The following ATP2C2 variants were observed in gnomAD, a reference collection of about 807,000 sequenced individuals.
ATP2C2 encodes the protein calcium-transporting ATPase type 2C member 2.
Under a neutral mutation model 110.8 loss-of-function variants are expected in ATP2C2, and 171 were observed. The ratio of observed to expected loss-of-function variants is 1.54; its 90% CI spans 1.36 to 1.75. The LOEUF (loss-of-function observed/expected upper bound fraction) is 1.75. Ranked by LOEUF, ATP2C2 falls within the 40% of genes most tolerant of loss-of-function variation. The pLI, the probability that ATP2C2 is intolerant of heterozygous loss-of-function variation, is 0.00. For synonymous variants in ATP2C2, 804 were observed against 508.4 expected, an observed-to-expected ratio of 1.58 and a Z score of -7.82; for missense variants, 1,963 against 1,235.0, an observed-to-expected ratio of 1.59 and a Z score of -8.84.
chr16:84,412,368 G>GCA (rs1182385222), intron 6 of ATP2C2, among the ~76,000 whole-genome samples: 2 of 109,990 alleles, frequency 1.8e-5, no homozygotes, highest in African/African-American at 3.2e-5. Flanking sequence ...GTGTGCATGT[G>GCA]TGTGTGCGTG....
intron 15 of ATP2C2, among the ~76,000 whole-genome samples, chr16:84,445,670 G>A (rs541941427): frequency 2.6e-4 from 39 of 152,320 alleles, no homozygotes; most frequent in African/African-American, 8.9e-4. Flanking sequence ...CCACTAAGGA[G>A]ATGGTTTAGG....
chr16:84,415,360 G>A lies in ATP2C2; in HGVS notation c.516-123G>A, dbSNP rs148395921. On this transcript the variant is annotated intron_variant, in intron 6 of 26. Coordinates refer to ENST00000262429, the MANE Select transcript of ATP2C2 (RefSeq NM_014861.4). ...ATTTCAAAATAATAACACCCCAAAG[G>A]CACAGGGTTGGTGTATATTAAAAGA... 1.0e-5 allele frequency: 8 copies of A among 789,234 alleles called. No individual in the cohort carries two copies. The African/African-American group carries it at 1.4e-4, about 14-fold the overall frequency. 48.9% of individuals were successfully genotyped at this position (789,234 alleles called of 1,614,324 possible).
rs750126488 is a variant in ATP2C2 at position 84,423,177 on chromosome 16, C to T, written c.844-11C>T. On this transcript the variant is annotated splice_polypyrimidine_tract_variant and intron_variant, in intron 9 of 26. Transcript: ENST00000262429. The stretch of plus-strand genomic sequence containing the variant: ...TCTTGTCCAACTAACCCATTGTGCT[C>T]ACCCTTTCAGACACCTAAAACTCCT... 3.3e-5 allele frequency: 54 copies of T among 1,613,040 alleles called. No individual in the cohort carries two copies. Among genetic ancestry groups the T allele is most frequent in the South Asian group, 7.7e-5 (7 of 91,022 alleles).
intron 18 of ATP2C2, 145 bp from the exon 19 acceptor site, chr16:84,452,993 C>G (rs1176422388): frequency 5.3e-6 from 4 of 758,920 alleles, no homozygotes; most frequent in Non-Finnish European, 8.5e-6. Flanking sequence ...TGGATAGAAC[C>G]GAGGCCGTGC....
At chr16:84,391,248 A>G (rs1318334623) in intron 1 of ATP2C2, among the ~76,000 whole-genome samples, 1 of 152,112 alleles carries the variant, frequency 6.6e-6, no homozygotes, top group Non-Finnish European at 1.5e-5. Context: ...CAAAAGGAAC[A>G]CTTGCGATTC....
At chr16:84,451,516 C>A (rs370178109) in intron 17 of ATP2C2, among the ~76,000 whole-genome samples, 1 of 152,174 alleles carries the variant, frequency 6.6e-6, no homozygotes, top group Non-Finnish European at 1.5e-5. Context: ...CTCTGCAGAC[C>A]GAGGAGGATC....
chr16:84,381,312 T>G (rs2151400265), intron 1 of ATP2C2, among the ~76,000 whole-genome samples: 2 of 152,314 alleles, frequency 1.3e-5, no homozygotes, highest in South Asian at 4.1e-4. Context: ...CTTTTGTGGA[T>G]CTTCAGTTAC....
chr16:84,401,919 G>A (rs1377823678), intron 2 of ATP2C2, among the ~76,000 whole-genome samples: 1 of 152,076 alleles, frequency 6.6e-6, no homozygotes, highest in African/African-American at 2.4e-5. Flanking sequence ...ATTGCTTTGG[G>A]TAGTATGGAC....
intron 1 of ATP2C2, among the ~76,000 whole-genome samples, chr16:84,387,449 T>G (rs760949433): frequency 6.6e-6 from 1 of 151,672 alleles, no homozygotes; most frequent in African/African-American, 2.4e-5. Context: ...GAGGCGGAGG[T>G]TGCAGTGAGC....
At chr16:84,420,899 G>T (rs1239540500) in intron 7 of ATP2C2, among the ~76,000 whole-genome samples, 1 of 152,148 alleles carries the variant, frequency 6.6e-6, no homozygotes, top group African/African-American at 2.4e-5. Flanking sequence ...TCCGCCTCCT[G>T]GGTTCAAGAG....
rs1024356953 is a variant in ATP2C2 at position 84,461,738 on chromosome 16, C to A, written c.2506C>A (p.Pro836Thr). The A allele has an allele frequency of 6.2e-7, 1 of 1,614,196 alleles. No individual in the cohort carries two copies. Among genetic ancestry groups the A allele is most frequent in the Non-Finnish European group, 8.5e-7 (1 of 1,180,014 alleles). The change falls in exon 25 of 27, where the codon CCC (proline) becomes ACC (threonine). Residue 836 changes from proline (P) to threonine (T), a missense_variant. Coordinates refer to ENST00000262429, the MANE Select transcript of ATP2C2 (RefSeq NM_014861.4). ...GATGCCTGAAGACAGAGCAAGCACT[C>A]CCCGCACCACGACGATGACGTTCAC... Reference protein sequence around the residue: ...KEMPEDRASTPRTTTMTFTCF... With the variant: ...KEMPEDRASTTRTTTMTFTCF...
chr16:84,420,148 C>T (rs931526193), intron 7 of ATP2C2, among the ~76,000 whole-genome samples: 4 of 152,182 alleles, frequency 2.6e-5, no homozygotes, highest in Admixed American at 2.0e-4. Flanking sequence ...TCCCCAGCCA[C>T]CTCTTCTCAG....
chr16:84,455,401 G>A (rs911464098), intron 21 of ATP2C2, among the ~76,000 whole-genome samples: 4 of 152,066 alleles, frequency 2.6e-5, no homozygotes, highest in African/African-American at 4.8e-5. Context: ...AACATCTTCC[G>A]TTTGAGGCCT....
chr16:84,413,292 G>A (rs1048148175), intron 6 of ATP2C2, among the ~76,000 whole-genome samples: 1 of 152,114 alleles, frequency 6.6e-6, no homozygotes, highest in Non-Finnish European at 1.5e-5. Flanking sequence ...TGGGGCTAGG[G>A]TAGAAAGCCG....
intron 1 of ATP2C2, among the ~76,000 whole-genome samples, chr16:84,377,175 C>T (rs1326812885): frequency 6.6e-6 from 1 of 151,944 alleles, no homozygotes; most frequent in Non-Finnish European, 1.5e-5. Flanking sequence ...GTAGTGGAAG[C>T]CGTGTGCTAA....
At chr16:84,410,916 G>T in intron 6 of ATP2C2, 151 bp downstream of exon 6, 1 of 731,462 alleles carries the variant, frequency 1.4e-6, no homozygotes, top group Non-Finnish European at 2.3e-6. Context: ...GTCTCCGCCT[G>T]CCAATAGGTC....
intron 4 of ATP2C2, among the ~76,000 whole-genome samples, 187 bp downstream of exon 4, chr16:84,408,681 G>A (rs910362235): frequency 1.3e-5 from 2 of 152,020 alleles, no homozygotes; most frequent in South Asian, 2.1e-4. Context: ...TGGTTTATTC[G>A]GCCACTGCTT....
chr16:84,407,028 A>G (rs1331150093), intron 3 of ATP2C2, among the ~76,000 whole-genome samples: 2 of 152,196 alleles, frequency 1.3e-5, no homozygotes, highest in Admixed American at 6.5e-5. Flanking sequence ...TCAGCAATGC[A>G]TCTGTGGGAA....
intron 23 of ATP2C2, 26 bp from the exon 24 acceptor site, chr16:84,460,628 A>G: frequency 6.2e-7 from 1 of 1,614,080 alleles, no homozygotes; most frequent in Non-Finnish European, 8.5e-7. Flanking sequence ...GTTCATTTCA[A>G]AGTGTCTGTG....
Sources: allele counts gnomAD v4.1 joint callset (sites outside exome capture counted in the v4.1 genomes callset), GRCh38; gene constraint gnomAD v4.1.1; transcripts MANE v1.5; gene names NCBI Gene and HGNC (gene_info 2026-07-23, HGNC 2026-07-21).